PKD1: variants seen among roughly 807,000 people sequenced by gnomAD.
PKD1 encodes the protein polycystin 1, transient receptor potential channel interacting.
Under a neutral mutation model 361.7 loss-of-function variants are expected in PKD1, and 81 were observed. That is an observed-to-expected ratio of 0.22 (90% confidence interval 0.19 to 0.27). The LOEUF is 0.27. PKD1 is among the 10% of genes least tolerant of loss of function. The probability of loss-of-function intolerance (pLI) is 1.00; values close to 1 mark genes in which losing one functional copy is unlikely to be tolerated. For missense variants in PKD1, 6,399 were observed against 6,118.3 expected (o/e 1.05, Z -1.53); for synonymous variants, 3,615 against 2,818.3 (o/e 1.28, Z -8.95).
intron 11 of PKD1, chr16:2,113,929 T>TC (rs1276507243): frequency 3.4e-6 from 2 of 586,106 alleles, no homozygotes; most frequent in Non-Finnish European, 6.1e-6. Context: ...AGTTTTAAAT[T>TC]CATTTTGTGA....
At chr16:2,123,964 C>T (rs562805628) in intron 1 of PKD1, among the ~76,000 whole-genome samples, 2 of 152,196 alleles carry the variant, frequency 1.3e-5, no homozygotes, top group African/African-American at 2.4e-5. Flanking sequence ...TCCCCAGCGC[C>T]GAGCGTCCGA....
Position 2,100,416 on chromosome 16 carries a change from C to T in PKD1, c.9548G>A (p.Arg3183Gln), listed in dbSNP as rs79648977. ...PHSLGSVWKI[R>Q]VWHDNKGLSP... The stretch of plus-strand genomic sequence containing the variant: ...CAAACCTTTGTTGTCGTGCCACACT[C>T]GGATCTTCCACACGCTACCCAGGCT... The change falls in exon 27 of 46, where the codon CGA becomes CAA. Residue 3183 changes from arginine (R) to glutamine (Q), a missense_variant. Arg to Gln is a conservative substitution (Grantham distance 43). Coordinates refer to ENST00000262304, the MANE Select transcript of PKD1 (RefSeq NM_001009944.3). The surrounding 1 kb of genome is among the most constrained non-coding windows in gnomAD (Gnocchi z 4.4). 505 of 1,611,284 alleles carry T rather than the reference C, an allele frequency of 3.1e-4. 2 individuals carry two copies. The East Asian group carries it at 5.1e-3, about 16-fold the overall frequency.
rs770961326 is a variant in PKD1 at position 2,108,782 on chromosome 16, G to A, written c.6385C>T (p.Leu2129=). 4 of 1,571,006 alleles carry A rather than the reference G, an allele frequency of 2.5e-6. No individual in the cohort carries two copies. Among genetic ancestry groups the A allele is most frequent in the East Asian group, 4.7e-5 (2 of 42,316 alleles). The change falls in exon 15 of 46, where the codon CTG becomes TTG. Residue 2129 remains leucine (L), a synonymous_variant. Transcript: ENST00000262304. ...GCCTGCGCCACGAAGAAGCTCACCA[G>A]GTTGGAGGCGTTCACCTGCACGCGG... The part of the protein sequence containing the change: ...DYRVQVNASN[L]VSFFVAQATV...
chr16:2,123,389 G>A (rs1170994792), intron 1 of PKD1: 4 of 444,256 alleles, frequency 9.0e-6, no homozygotes, highest in Non-Finnish European at 1.8e-5. Flanking sequence ...GGGTGTGGAA[G>A]CATCTGCCCT....
chr16:2,092,457 T>C (rs2091640731), intron 39 of PKD1, 23 bp downstream of exon 39: 2 of 1,491,008 alleles, frequency 1.3e-6, no homozygotes, highest in Non-Finnish European at 9.3e-7. Flanking sequence ...ATTTAAGTCT[T>C]GGGGCACGCC....
In PKD1 at chr16:2,088,883, A is replaced by C. The variant is rs74002777; in HGVS notation, c.*844T>G. ...AGCACACTCGCGCGTGCGCGCGCGC[A>C]CACACACACACACACAGTCACCTTC... On this transcript the variant is annotated 3_prime_UTR_variant, in exon 46 of 46. Coordinates refer to ENST00000262304, the MANE Select transcript of PKD1 (RefSeq NM_001009944.3). 5.7e-5 allele frequency: 12 copies of C among 209,992 alleles called. No individual in the cohort carries two copies. The highest frequency in any genetic ancestry group is 4.4e-4 in the East Asian group (8 of 18,236). 13.0% of individuals were successfully genotyped at this position (209,992 alleles called of 1,614,324 possible).
chr16:2,103,615 C>A lies in PKD1; in HGVS notation c.8442G>T (p.Gly2814=), dbSNP rs886038371. Residue 2814 remains glycine (G), a synonymous_variant, in exon 23 of 46, where the codon GGG becomes GGT. Transcript: ENST00000262304. The part of the protein sequence containing the change: ...CHFSIPEAFS[G]ALANLSDVVQ... Reference sequence around the variant, plus strand: ...CCACGTCACTGAGGTTGGCCAGGGCCCCGCTGAAAGCCTCGGGGATGGAGA... The same window carrying A: ...CCACGTCACTGAGGTTGGCCAGGGCACCGCTGAAAGCCTCGGGGATGGAGA... 6.2e-7 allele frequency: 1 copy of A among 1,610,494 alleles called. No individual in the cohort carries two copies. The highest frequency in any genetic ancestry group is 2.2e-5 in the East Asian group (1 of 44,848).
Position 2,118,371 on chromosome 16 carries a change from T to C in PKD1, c.621A>G (p.Pro207=). 1 of 1,309,470 alleles carries C rather than the reference T, an allele frequency of 7.6e-7. No homozygotes were observed. Among genetic ancestry groups the C allele is most frequent in the Non-Finnish European group, 1.1e-6 (1 of 941,890 alleles). The allele number at this position is 1,309,470 out of a possible 1,614,324, so 81.1% of individuals were successfully genotyped here. A position where few individuals can be genotyped will look rare whatever the true frequency, so the allele number is the denominator to read the frequency against. ...FSAAHEGLLQ[P]EACSAFCFST... is the part of the protein sequence containing the mutation. Reference sequence around the variant, plus strand: ...AGAAGCAGAAGGCGCTGCAGGCCTCTGGCTGAAGCAGGCCTTCGTGGGCAG... The same window carrying C: ...AGAAGCAGAAGGCGCTGCAGGCCTCCGGCTGAAGCAGGCCTTCGTGGGCAG... The change falls in exon 5 of 46, where the codon CCA becomes CCG. Residue 207 remains proline, a synonymous_variant. Coordinates refer to ENST00000262304, the MANE Select transcript of PKD1 (RefSeq NM_001009944.3). The surrounding 1 kb of genome is among the most constrained non-coding windows in gnomAD (Gnocchi z 6.0).
chr16:2,115,103 G>T (rs1012450987), intron 10 of PKD1, 178 bp from the exon 11 acceptor site: 1 of 983,848 alleles, frequency 1.0e-6, no homozygotes, highest in Admixed American at 6.1e-5. Flanking sequence ...GGGACACACG[G>T]GGAGAGGACA....
In PKD1 at chr16:2,103,882, G is replaced by A; in HGVS notation, c.8175C>T (p.His2725=). The A allele has an allele frequency of 1.3e-6, 2 of 1,593,050 alleles. No homozygotes were observed. The highest frequency in any genetic ancestry group is 1.7e-6 in the Non-Finnish European group (2 of 1,173,446). The change falls in exon 23 of 46, where the codon CAC becomes CAT. Residue 2725 remains histidine (H), a synonymous_variant. Coordinates refer to ENST00000262304, the MANE Select transcript of PKD1 (RefSeq NM_001009944.3). Reference sequence around the variant, plus strand: ...GTGCCCGCACGTCCGAGCTGGCCAGGTGGATGAGGTCTCCTGCAGACATGC... The same window carrying A: ...GTGCCCGCACGTCCGAGCTGGCCAGATGGATGAGGTCTCCTGCAGACATGC... ...SILNITGDLI[H]LASSDVRAPQ...
rs199943712 is a variant in PKD1, at chr16:2,109,097, G to A, written c.6070C>T (p.Arg2024Cys). 38 of 1,603,232 alleles carry A rather than the reference G, an allele frequency of 2.4e-5. No homozygotes were observed. The highest frequency in any genetic ancestry group is 1.3e-4 in the East Asian group (6 of 44,622). ...QGDSLVILSG[R>C]DVTYTPVAAG... ...GCCACGGGCGTGTAGGTGACGTCGC[G>A]GCCCGACAGGATGACCAGCGAGTCG... The change falls in exon 15 of 46, where the codon CGC becomes TGC. Residue 2024 changes from arginine (R) to cysteine (C), a missense_variant. Transcript: ENST00000262304.
rs553447963 is a variant in PKD1 at position 2,097,542 on chromosome 16, G to A, written c.10221-39C>T. On this transcript the variant is annotated intron_variant, in intron 32 of 45. Coordinates refer to ENST00000262304, the MANE Select transcript of PKD1 (RefSeq NM_001009944.3). The stretch of plus-strand genomic sequence containing the variant: ...GGGTCAGCAAGGTACCAGGGGATGT[G>A]TCACACACACAGCCCACCCCCGTCC... 3.6e-5 allele frequency: 57 copies of A among 1,603,078 alleles called. No homozygotes were observed. In the African/African-American group the frequency reaches 6.3e-4, roughly 18 times the overall value.
At chr16:2,122,193 C>T (rs1364207617) in intron 1 of PKD1, among the ~76,000 whole-genome samples, 2 of 152,254 alleles carry the variant, frequency 1.3e-5, no homozygotes, top group African/African-American at 4.8e-5. Context: ...TGGAGCCAGG[C>T]CCTCACCTGG....
At position 2,088,747 on chromosome 16, in the gene PKD1, G is replaced by T; in HGVS notation, c.*980C>A. 2.4e-6 allele frequency: 3 copies of T among 1,262,094 alleles called. No individual in the cohort carries two copies. Among genetic ancestry groups the T allele is most frequent in the Admixed American group, 4.6e-5 (2 of 43,668 alleles). 78.2% of individuals were successfully genotyped at this position (1,262,094 alleles called of 1,614,324 possible). On this transcript the variant is annotated 3_prime_UTR_variant, in exon 46 of 46. Transcript: ENST00000262304. ...CTCTTTTATTGACTTTGTCTGCTTGGTGCGGGGGTTGGGGGGGTGTCGAGG... is the reference window on the plus strand; with the variant it reads ...CTCTTTTATTGACTTTGTCTGCTTGTTGCGGGGGTTGGGGGGGTGTCGAGG...
Position 2,115,424 on chromosome 16 carries a change from C to A in PKD1, c.2051G>T (p.Arg684Ile), listed in dbSNP as rs563459215. 51 of 1,584,602 alleles carry A rather than the reference C, an allele frequency of 3.2e-5. No homozygotes were observed. The Admixed American group carries it at 6.7e-4, about 21-fold the overall frequency. The change falls in exon 10 of 46, where the codon AGA (arginine) becomes ATA (isoleucine). Residue 684 changes from arginine to isoleucine, a missense_variant. Transcript: ENST00000262304. Reference sequence around the variant, plus strand: ...CGCGGGAACGGAGAAGAGGAACTCTCTCCATAGCGCATAGGGGGCCCCGGG... The same window carrying A: ...CGCGGGAACGGAGAAGAGGAACTCTATCCATAGCGCATAGGGGGCCCCGGG... Reference protein sequence around the residue: ...GLPGAPYALWREFLFSVPAGP... With the variant: ...GLPGAPYALWIEFLFSVPAGP...
At chr16:2,129,335 C>G (rs1373885644) in intron 1 of PKD1, among the ~76,000 whole-genome samples, 1 of 151,232 alleles carries the variant, frequency 6.6e-6, no homozygotes, top group Non-Finnish European at 1.5e-5. Context: ...ATTGGTCTCG[C>G]TATGTTGCCC....
chr16:2,110,491 A>G lies in PKD1; in HGVS notation c.4676T>C (p.Val1559Ala). ...RGLVVNASRT[V>A]VPLNGSVSFS... is the part of the protein sequence containing the mutation. ...GCTCACGCTCCCATTCAGGGGCACC[A>G]CCGTGCGGCTTGCATTGACGACGAG... Residue 1559 changes from valine to alanine, a missense_variant, in exon 15 of 46, where the codon GTG becomes GCG. By Grantham distance (64) the Val-to-Ala change is moderately conservative. Transcript: ENST00000262304. 7 of 1,612,402 alleles carry G rather than the reference A, an allele frequency of 4.3e-6. No individual in the cohort carries two copies. Among genetic ancestry groups the G allele is most frequent in the Non-Finnish European group, 5.9e-6 (7 of 1,179,846 alleles).
chr16:2,097,605 G>A (rs1420515148), intron 32 of PKD1, 102 bp from the exon 33 acceptor site: 2 of 1,609,798 alleles, frequency 1.2e-6, no homozygotes, highest in African/African-American at 2.7e-5. Flanking sequence ...GAGCAAACCT[G>A]CTCCCGGGTG....
Position 2,090,598 on chromosome 16 carries a change from G to C in PKD1, c.12139-8C>G, listed in dbSNP as rs774226144. On this transcript the variant is annotated splice_region_variant and splice_polypyrimidine_tract_variant and intron_variant, in intron 44 of 45. Coordinates refer to ENST00000262304, the MANE Select transcript of PKD1 (RefSeq NM_001009944.3). ...CACACAGGAAGACACGAGCTGCGGGGAAGGCGACACCAGTGAGGGCGTACA... is the reference window on the plus strand; with the variant it reads ...CACACAGGAAGACACGAGCTGCGGGCAAGGCGACACCAGTGAGGGCGTACA... The C allele has an allele frequency of 1.2e-6, 2 of 1,608,532 alleles. No homozygotes were observed. The highest frequency in any genetic ancestry group is 3.3e-5 in the Admixed American group (2 of 59,970).
Sources: allele counts gnomAD v4.1 joint callset (sites outside exome capture counted in the v4.1 genomes callset), GRCh38; gene constraint gnomAD v4.1.1; non-coding constraint Gnocchi (gnomAD v3.1); transcripts MANE v1.5; gene names NCBI Gene and HGNC (gene_info 2026-07-23, HGNC 2026-07-21).